Variants in LRMDA observed in about 807,000 individuals in gnomAD.
LRMDA encodes leucine rich melanocyte differentiation associated, also known as leucine-rich melanocyte differentiation-associated protein.
In LRMDA, 18 loss-of-function variants were observed where a neutral mutation model predicts 29.8. The observed-to-expected ratio is 0.60, with a 90% CI of 0.42 to 0.90. LRMDA has a LOEUF of 0.90. Ranked by LOEUF, LRMDA falls within the 40% of genes least tolerant of loss-of-function variation. The pLI, the probability that LRMDA is intolerant of heterozygous loss-of-function variation, is 0.00. For synonymous variants in LRMDA, 125 were observed against 109.4 expected (o/e 1.14, Z -0.89); for missense variants, 273 against 273.9 (o/e 1.00, Z 0.02).
intron 5 of LRMDA, among the ~76,000 whole-genome samples, chr10:76,180,276 ACT>A (rs1491255518): frequency 7.1e-6 from 1 of 140,284 alleles, no homozygotes; most frequent in Non-Finnish European, 1.5e-5. Flanking sequence ...TTTGGAAAAA[ACT>A]TTTTTTTTTT....
intron 2 of LRMDA, among the ~76,000 whole-genome samples, chr10:76,007,761 C>T (rs1564628677): frequency 6.6e-6 from 1 of 152,194 alleles, no homozygotes. Context: ...GCCTGAGATG[C>T]TCTTCCAAAG....
intron 2 of LRMDA, among the ~76,000 whole-genome samples, chr10:75,727,133 T>A (rs904224476): frequency 1.1e-4 from 16 of 152,220 alleles, no homozygotes; most frequent in Admixed American, 3.3e-4. Context: ...GCAATGTCCC[T>A]GGCGTTCGGG....
chr10:75,880,634 A>AT (rs1845278506), intron 2 of LRMDA, among the ~76,000 whole-genome samples: 1 of 151,896 alleles, frequency 6.6e-6, no homozygotes, highest in Non-Finnish European at 1.5e-5. Context: ...TTCACTGGGG[A>AT]TTTTCTGTTT....
intron 2 of LRMDA, among the ~76,000 whole-genome samples, chr10:75,917,561 G>T (rs1009080564): frequency 2.0e-5 from 3 of 152,190 alleles, no homozygotes; most frequent in Non-Finnish European, 4.4e-5. Context: ...GCTAAATCCG[G>T]AATCGGGAGA....
intron 2 of LRMDA, among the ~76,000 whole-genome samples, chr10:75,539,267 GA>G (rs1268620989): frequency 1.3e-5 from 2 of 152,186 alleles, no homozygotes; most frequent in African/African-American, 4.8e-5. Flanking sequence ...GAACCACACT[GA>G]AAGTTTTTTG....
chr10:75,691,928 G>A (rs1317094690), intron 2 of LRMDA, among the ~76,000 whole-genome samples: 1 of 152,116 alleles, frequency 6.6e-6, no homozygotes, highest in Non-Finnish European at 1.5e-5. Context: ...ATATGGCCAG[G>A]CACTGTGGCT....
intron 5 of LRMDA, among the ~76,000 whole-genome samples, chr10:76,289,005 C>T (rs1589412641): frequency 6.6e-6 from 1 of 152,210 alleles, no homozygotes; most frequent in East Asian, 1.9e-4. Flanking sequence ...ATGTTCATTC[C>T]ACAAGGGTTT....
At chr10:76,180,100 G>A (rs1232478050) in intron 5 of LRMDA, among the ~76,000 whole-genome samples, 1 of 151,956 alleles carries the variant, frequency 6.6e-6, no homozygotes, top group Non-Finnish European at 1.5e-5. Flanking sequence ...GATGAAAGTG[G>A]AAATGCGTTA....
chr10:76,483,966 A>G (rs901190709), intron 6 of LRMDA, among the ~76,000 whole-genome samples: 1 of 151,886 alleles, frequency 6.6e-6, no homozygotes, highest in Non-Finnish European at 1.5e-5. Context: ...AGTAATTACT[A>G]TAGCTTTATA....
chr10:75,691,360 G>A (rs1842154794), intron 2 of LRMDA, among the ~76,000 whole-genome samples: 1 of 151,368 alleles, frequency 6.6e-6, no homozygotes, highest in Non-Finnish European at 1.5e-5. Context: ...AACTAATATA[G>A]CATAGGTATC....
intron 5 of LRMDA, among the ~76,000 whole-genome samples, chr10:76,247,158 T>C (rs1017814326): frequency 2.0e-5 from 3 of 152,130 alleles, no homozygotes; most frequent in African/African-American, 4.8e-5. Flanking sequence ...TATCAAGAAA[T>C]TGTGAGTTGA....
chr10:76,171,271 G>A (rs1850831032), intron 5 of LRMDA, among the ~76,000 whole-genome samples: 1 of 152,192 alleles, frequency 6.6e-6, no homozygotes, highest in Non-Finnish European at 1.5e-5. Context: ...AGGTAGCTGG[G>A]ATTACAGGCA....
In LRMDA at chr10:75,722,891, A is replaced by G. The variant is rs545655136; in HGVS notation, c.131+284397A>G. Among the ~76,000 whole-genome samples, 23 of 152,250 alleles carry G rather than the reference A, an allele frequency of 1.5e-4. No homozygotes were observed. In the South Asian group the frequency reaches 4.2e-3, roughly 27 times the overall value. On this transcript the variant is annotated intron_variant, in intron 2 of 6. Coordinates refer to ENST00000611255, the MANE Select transcript of LRMDA (RefSeq NM_001305581.2). Reference sequence around the variant, plus strand: ...TTTCTACTCATATTTCTTTTCATTAACTTATATAGCCTGGGAGGTCAACTT... The same window carrying G: ...TTTCTACTCATATTTCTTTTCATTAGCTTATATAGCCTGGGAGGTCAACTT...
chr10:76,234,520 G>T (rs904958883), intron 5 of LRMDA, among the ~76,000 whole-genome samples: 2 of 152,162 alleles, frequency 1.3e-5, no homozygotes, highest in Non-Finnish European at 2.9e-5. Context: ...GCCAGGCATT[G>T]ACTTCTCTCT....
At chr10:76,456,653 T>TAAAAAAAAAAA (rs759893190) in intron 6 of LRMDA, among the ~76,000 whole-genome samples, 1 of 127,414 alleles carries the variant, frequency 7.8e-6, no homozygotes, top group African/African-American at 2.8e-5. Flanking sequence ...GCACTCTTAT[T>TAAAAAAAAAAA]AAAAAAAAAA....
intron 2 of LRMDA, among the ~76,000 whole-genome samples, chr10:75,546,334 G>A (rs1414867859): frequency 6.6e-6 from 1 of 152,182 alleles, no homozygotes; most frequent in Non-Finnish European, 1.5e-5. Flanking sequence ...TTTGAAGAAT[G>A]TTTAATGGTA....
At chr10:75,565,100 TC>T (rs1267197994) in intron 2 of LRMDA, among the ~76,000 whole-genome samples, 1 of 152,224 alleles carries the variant, frequency 6.6e-6, no homozygotes, top group African/African-American at 2.4e-5. Context: ...ACAAAGATTT[TC>T]TACTCAACTC....
intron 5 of LRMDA, among the ~76,000 whole-genome samples, chr10:76,264,259 G>A (rs1227119627): frequency 6.6e-6 from 1 of 151,624 alleles, no homozygotes; most frequent in Non-Finnish European, 1.5e-5. Context: ...AATTAGTCAG[G>A]CATGGTGGTA....
chr10:75,805,073 T>G (rs1213968220), intron 2 of LRMDA, among the ~76,000 whole-genome samples: 1 of 152,196 alleles, frequency 6.6e-6, no homozygotes, highest in East Asian at 1.9e-4. Context: ...CCAGAGGGTC[T>G]TCAGAAGATC....
Sources: allele counts gnomAD v4.1 joint callset (sites outside exome capture counted in the v4.1 genomes callset), GRCh38; gene constraint gnomAD v4.1.1; transcripts MANE v1.5; gene names NCBI Gene and HGNC (gene_info 2026-07-23, HGNC 2026-07-21).